AGO3: variants seen among roughly 807,000 people sequenced by gnomAD.
AGO3 encodes protein argonaute-3.
In AGO3, 16 loss-of-function variants were observed where a neutral mutation model predicts 105.5. The ratio of observed to expected loss-of-function variants is 0.15; its 90% CI spans 0.10 to 0.23. The LOEUF is 0.23. Among genes scored for constraint, AGO3 ranks in the 10% least tolerant of loss-of-function variants. The probability of loss-of-function intolerance (pLI) is 1.00; values close to 1 mark genes in which losing one functional copy is unlikely to be tolerated. For missense variants in AGO3, 534 were observed against 1,088.0 expected, an observed-to-expected ratio of 0.49 and a Z score of 7.16; for synonymous variants, 340 against 367.3, an observed-to-expected ratio of 0.93 and a Z score of 0.85.
At chr1:36,037,460 G>T (rs1330541299) in intron 14 of AGO3, among the ~76,000 whole-genome samples, 1 of 152,186 alleles carries the variant, frequency 6.6e-6, no homozygotes, top group Non-Finnish European at 1.5e-5. Flanking sequence ...GGCGGAGGTT[G>T]CAGTGAGCTG....
intron 1 of AGO3, among the ~76,000 whole-genome samples, chr1:35,932,281 A>G (rs986301278): frequency 2.0e-5 from 3 of 152,218 alleles, no homozygotes; most frequent in Non-Finnish European, 4.4e-5. Flanking sequence ...TGCCTAACAA[A>G]TGATCATGCT....
At chr1:36,038,542 A>G (rs577352753) in intron 14 of AGO3, among the ~76,000 whole-genome samples, 5 of 152,204 alleles carry the variant, frequency 3.3e-5, no homozygotes, top group African/African-American at 1.2e-4. Flanking sequence ...GGCGTGAGCT[A>G]CCGTGCCCGG....
intron 17 of AGO3, among the ~76,000 whole-genome samples, chr1:36,053,482 T>C (rs1019538568): frequency 2.0e-5 from 3 of 152,168 alleles, no homozygotes; most frequent in Admixed American, 6.5e-5. Flanking sequence ...GGTTTTGCCA[T>C]GTTGGGCAGG....
At chr1:36,048,963 TTCCAAAGTGC>T (rs1642587497) in intron 17 of AGO3, among the ~76,000 whole-genome samples, 1 of 152,222 alleles carries the variant, frequency 6.6e-6, no homozygotes, top group African/African-American at 2.4e-5. Flanking sequence ...TGCCTCATCC[TTCCAAAGTGC>T]TGGGATTACT....
At chr1:36,013,514 GA>G in intron 9 of AGO3, 115 bp from the exon 10 acceptor site, 1 of 1,351,012 alleles carries the variant, frequency 7.4e-7, no homozygotes, top group Non-Finnish European at 1.0e-6. Flanking sequence ...CCATTGATTA[GA>G]CCTGTTGGAA....
At chr1:35,997,454 A>G (rs1183023803) in intron 5 of AGO3, among the ~76,000 whole-genome samples, 3 of 151,996 alleles carry the variant, frequency 2.0e-5, no homozygotes, top group Non-Finnish European at 4.4e-5. Flanking sequence ...AATGTTGTGC[A>G]GCAGCAGCAA....
intron 2 of AGO3, among the ~76,000 whole-genome samples, chr1:35,962,497 C>A (rs1195125939): frequency 1.3e-5 from 2 of 150,564 alleles, no homozygotes; most frequent in Non-Finnish European, 3.0e-5. Flanking sequence ...GAGCCGAGAT[C>A]ACGCCACTGC....
chr1:35,997,917 G>C (rs1487076209), intron 5 of AGO3, among the ~76,000 whole-genome samples: 1 of 152,020 alleles, frequency 6.6e-6, no homozygotes, highest in African/African-American at 2.4e-5. Context: ...GGCTGGTCTC[G>C]AACTCCTGAC....
chr1:35,943,982 A>G (rs1229138053), intron 1 of AGO3, among the ~76,000 whole-genome samples: 2 of 152,180 alleles, frequency 1.3e-5, no homozygotes, highest in Non-Finnish European at 2.9e-5. Context: ...AGGCTGAATA[A>G]TATTTCATTG....
At chr1:36,022,821 A>G (rs541949086) in intron 11 of AGO3, among the ~76,000 whole-genome samples, 6 of 151,446 alleles carry the variant, frequency 4.0e-5, no homozygotes, top group Middle Eastern at 3.4e-3. Context: ...AATCTCAGCT[A>G]CTCGGGAGGC....
chr1:35,932,376 C>G (rs1646067492), intron 1 of AGO3, among the ~76,000 whole-genome samples: 2 of 152,142 alleles, frequency 1.3e-5, no homozygotes, highest in Non-Finnish European at 2.9e-5. Flanking sequence ...TGTCTTGTTA[C>G]TAATGGTGTT....
In AGO3 at chr1:35,973,725, A is replaced by G. The variant is rs985045741; in HGVS notation, c.658+214A>G. 2.7e-5 allele frequency: 10 copies of G among 373,508 alleles called. No individual in the cohort carries two copies. The Admixed American group carries it at 4.5e-4, about 17-fold the overall frequency. The allele number at this position is 373,508 out of a possible 1,614,324, so 23.1% of individuals were successfully genotyped here. A position where few individuals can be genotyped will look rare whatever the true frequency, so the allele number is the denominator to read the frequency against. ...ATGCTGCTAAACATGAAGCAAGCACATGAAGACAGATTTAAAAGCCCTGAT... is the reference window on the plus strand; with the variant it reads ...ATGCTGCTAAACATGAAGCAAGCACGTGAAGACAGATTTAAAAGCCCTGAT... On this transcript the variant is annotated intron_variant, in intron 5 of 18. Coordinates refer to ENST00000373191, the MANE Select transcript of AGO3 (RefSeq NM_024852.4).
rs542310772 is a variant in AGO3, at chr1:35,932,294, G to A, written c.19+849G>A. Among the ~76,000 whole-genome samples, 9 of 152,230 alleles carry A rather than the reference G, an allele frequency of 5.9e-5. No individual in the cohort carries two copies. The East Asian group carries it at 1.7e-3, about 29-fold the overall frequency. ...TTTGCCTAACAAATGATCATGCTTG[G>A]CTTATTAAATTTGAAAGTATGCTTC... On this transcript the variant is annotated intron_variant, in intron 1 of 18. Coordinates refer to ENST00000373191, the MANE Select transcript of AGO3 (RefSeq NM_024852.4).
chr1:36,023,599 T>C (rs1344615779), intron 11 of AGO3, among the ~76,000 whole-genome samples: 1 of 152,210 alleles, frequency 6.6e-6, no homozygotes, highest in Non-Finnish European at 1.5e-5. Context: ...TGAACATGGT[T>C]TCAACAGTTG....
chr1:35,947,422 C>G (rs1309709241), intron 2 of AGO3, among the ~76,000 whole-genome samples: 1 of 152,076 alleles, frequency 6.6e-6, no homozygotes, highest in African/African-American at 2.4e-5. Flanking sequence ...TCTGTGACCT[C>G]GTAGTACTTG....
chr1:35,954,381 G>GT (rs1228336830), intron 2 of AGO3, among the ~76,000 whole-genome samples: 2 of 151,982 alleles, frequency 1.3e-5, no homozygotes, highest in Non-Finnish European at 2.9e-5. Flanking sequence ...TAGTACATAA[G>GT]GTATTATTAC....
intron 1 of AGO3, among the ~76,000 whole-genome samples, chr1:35,932,398 A>T (rs982097321): frequency 1.3e-5 from 2 of 152,206 alleles, no homozygotes; most frequent in African/African-American, 4.8e-5. Flanking sequence ...CAAGTTCCTG[A>T]ATTCCATATC....
intron 5 of AGO3, among the ~76,000 whole-genome samples, chr1:35,984,960 C>T (rs966545019): frequency 7.0e-6 from 1 of 142,580 alleles, no homozygotes; most frequent in African/African-American, 2.5e-5. Context: ...TAATGAAACA[C>T]ATTGTCCTTA....
At chr1:36,018,817 A>G (rs920174790) in intron 11 of AGO3, among the ~76,000 whole-genome samples, 7 of 152,128 alleles carry the variant, frequency 4.6e-5, no homozygotes, top group Non-Finnish European at 1.0e-4. Flanking sequence ...AGTTGTTCAT[A>G]ACAGGCATGA....
Sources: gnomAD v4.1 joint callset for allele counts (sites outside exome capture counted in the v4.1 genomes callset) on GRCh38, gnomAD v4.1.1 for gene constraint, MANE v1.5 for transcripts, NCBI Gene and HGNC (gene_info 2026-07-23, HGNC 2026-07-21) for gene names.